The following LPP variants were observed in gnomAD, a reference collection of about 807,000 sequenced individuals.
LPP encodes LIM domain containing preferred translocation partner in lipoma, also known as lipoma-preferred partner.
In LPP, 38 loss-of-function variants were observed where a neutral mutation model predicts 60.4. That is an observed-to-expected ratio of 0.63 (90% confidence interval 0.49 to 0.83). The LOEUF is 0.83. Among genes scored for constraint, LPP ranks in the 40% least tolerant of loss-of-function variants. The pLI is 0.00. For missense variants in LPP, 902 were observed against 783.6 expected, an observed-to-expected ratio of 1.15 and a Z score of -1.80; for synonymous variants, 328 against 290.8, an observed-to-expected ratio of 1.13 and a Z score of -1.30.
chr3:188,787,161 C>T (rs1436992432), intron 9 of LPP, among the ~76,000 whole-genome samples: 1 of 152,126 alleles, frequency 6.6e-6, no homozygotes, highest in Non-Finnish European at 1.5e-5. Flanking sequence ...CTGTATCAAT[C>T]TCATATTCTG....
intron 2 of LPP, among the ~76,000 whole-genome samples, chr3:188,260,967 C>T (rs1381031594): frequency 6.6e-6 from 1 of 152,028 alleles, no homozygotes; most frequent in Non-Finnish European, 1.5e-5. Context: ...CCCAGCTACT[C>T]AGGAGGCTGT....
intron 2 of LPP, among the ~76,000 whole-genome samples, chr3:188,250,948 C>T (rs1729302270): frequency 3.0e-5 from 1 of 33,824 alleles, no homozygotes; most frequent in Non-Finnish European, 5.5e-5. Context: ...CCTTCCCTTC[C>T]CTTCCCTTCC....
chr3:188,766,076 T>C (rs918818787), intron 9 of LPP, among the ~76,000 whole-genome samples: 2 of 151,812 alleles, frequency 1.3e-5, no homozygotes, highest in Non-Finnish European at 2.9e-5. Context: ...TTAACCATGT[T>C]GGCCAGGCTG....
At chr3:188,560,808 A>T (rs1203010378) in intron 6 of LPP, among the ~76,000 whole-genome samples, 4 of 152,112 alleles carry the variant, frequency 2.6e-5, no homozygotes, top group African/African-American at 9.7e-5. Context: ...ATAATAAGTC[A>T]GTGCATTTAC....
intron 4 of LPP, among the ~76,000 whole-genome samples, chr3:188,417,063 AG>A (rs1386965445): frequency 3.9e-5 from 6 of 152,140 alleles, no homozygotes; most frequent in Non-Finnish European, 8.8e-5. Context: ...CTGCATTCAG[AG>A]AGACCTGATG....
At chr3:188,516,455 T>A (rs1026499738) in intron 5 of LPP, among the ~76,000 whole-genome samples, 16 of 152,124 alleles carry the variant, frequency 1.1e-4, no homozygotes, top group African/African-American at 3.1e-4. Context: ...TCTTCATTTT[T>A]ATTTTTATCC....
chr3:188,744,470 G>T (rs766653795), intron 8 of LPP, among the ~76,000 whole-genome samples: 23 of 152,114 alleles, frequency 1.5e-4, no homozygotes, highest in African/African-American at 5.6e-4. Context: ...AATGAAAAGA[G>T]CATATTCTTT....
intron 8 of LPP, among the ~76,000 whole-genome samples, chr3:188,745,234 T>C (rs1235581960): frequency 2.0e-5 from 3 of 152,182 alleles, no homozygotes; most frequent in Non-Finnish European, 2.9e-5. Context: ...TGTCAGGTCT[T>C]ACTCATCTTT....
At chr3:188,167,680 A>G (rs1484912167) in intron 1 of LPP, among the ~76,000 whole-genome samples, 2 of 150,520 alleles carry the variant, frequency 1.3e-5, no homozygotes, top group Non-Finnish European at 2.9e-5. Flanking sequence ...ATTATGACCT[A>G]TGGTAGACCC....
intron 9 of LPP, among the ~76,000 whole-genome samples, chr3:188,857,916 T>A (rs763238438): frequency 5.9e-5 from 9 of 152,210 alleles, no homozygotes; most frequent in Non-Finnish European, 1.3e-4. Flanking sequence ...CTTAGCCCCT[T>A]GAAATTTGTA....
chr3:188,883,192 A>G lies in LPP; in HGVS notation c.*8713A>G. On this transcript the variant is annotated 3_prime_UTR_variant, in exon 12 of 12. Transcript: ENST00000617246. ...TTGCTTCCCCCCTCCTTTTCCTTCC[A>G]TATATATTTGTTTTGTTTTGGGCAT... The G allele has an allele frequency of 4.6e-6, 1 of 218,124 alleles. No individual in the cohort carries two copies. Among genetic ancestry groups the G allele is most frequent in the Non-Finnish European group, 9.2e-6 (1 of 108,570 alleles). 13.5% of individuals were successfully genotyped at this position (218,124 alleles called of 1,614,324 possible). A position where few individuals can be genotyped will look rare whatever the true frequency, so the allele number is the denominator to read the frequency against.
At position 188,631,168 on chromosome 3, in the gene LPP, CA is replaced by C. The variant is rs796638863; in HGVS notation, c.1113+21329del. Among the ~76,000 whole-genome samples, 16 of 151,744 alleles carry C rather than the reference CA, an allele frequency of 1.1e-4. 1 individual carries two copies. Among genetic ancestry groups the C allele is most frequent in the African/African-American group, 3.9e-4 (16 of 41,340 alleles). On this transcript the variant is annotated intron_variant, in intron 7 of 11. Transcript: ENST00000617246. ...AAACCTGCACATGTATCCCCTGAAA[CA>C]AAAATAAAAGTTGAAAAAGAAAGAA...
At chr3:188,643,058 G>A (rs1040087707) in intron 7 of LPP, among the ~76,000 whole-genome samples, 11 of 152,024 alleles carry the variant, frequency 7.2e-5, no homozygotes, top group African/African-American at 1.5e-4. Context: ...AAGAAGAAGC[G>A]AGTTTGAGAC....
At chr3:188,807,009 T>TA (rs1481834334) in intron 9 of LPP, among the ~76,000 whole-genome samples, 6 of 151,928 alleles carry the variant, frequency 3.9e-5, no homozygotes, top group African/African-American at 1.4e-4. Flanking sequence ...TTGTGTCTGA[T>TA]ACCGTATTCC....
At chr3:188,755,571 A>C (rs1470411924) in intron 8 of LPP, among the ~76,000 whole-genome samples, 1 of 152,118 alleles carries the variant, frequency 6.6e-6, no homozygotes, top group South Asian at 2.1e-4. Context: ...CAGGAGGCCA[A>C]GGTTGGAGGG....
chr3:188,183,498 C>A (rs909948176), intron 1 of LPP, among the ~76,000 whole-genome samples: 1 of 152,200 alleles, frequency 6.6e-6, no homozygotes, highest in Non-Finnish European at 1.5e-5. Context: ...CGGTCAACTT[C>A]TTGCTTCCAG....
chr3:188,346,478 T>C (rs1286626305), intron 3 of LPP, among the ~76,000 whole-genome samples: 1 of 151,394 alleles, frequency 6.6e-6, no homozygotes, highest in African/African-American at 2.4e-5. Flanking sequence ...TTGGTCAGGC[T>C]GCTCTCAAAC....
chr3:188,731,516 T>TTTTTTGTTTTGTTTTGTTTTGTTTTG (rs1553817761), intron 8 of LPP, among the ~76,000 whole-genome samples: 8 of 145,700 alleles, frequency 5.5e-5, no homozygotes, highest in Non-Finnish European at 9.0e-5. Context: ...TTTTTTGTTT[T>TTTTTTGTTTTGTTTTGTTTTGTTTTG]TTTTGTTTTG....
chr3:188,232,086 G>A (rs1720202723), intron 2 of LPP, among the ~76,000 whole-genome samples: 1 of 152,036 alleles, frequency 6.6e-6, no homozygotes, highest in African/African-American at 2.4e-5. Context: ...CTCTTCCCCC[G>A]ACCAAAGCAG....
Sources: gnomAD v4.1 joint callset for allele counts (sites outside exome capture counted in the v4.1 genomes callset) on GRCh38, gnomAD v4.1.1 for gene constraint, MANE v1.5 for transcripts, NCBI Gene and HGNC (gene_info 2026-07-23, HGNC 2026-07-21) for gene names.